Variants in CTNNA3 observed in about 807,000 individuals in gnomAD.
CTNNA3 encodes the protein catenin alpha-3.
Under a neutral mutation model 95.7 loss-of-function variants are expected in CTNNA3, and 76 were observed. The observed-to-expected ratio is 0.79, with a 90% CI of 0.66 to 0.96. The LOEUF is 0.96. Ranked by LOEUF, CTNNA3 falls within the 40% of genes least tolerant of loss-of-function variation. CTNNA3 has a pLI of 0.00. For synonymous variants in CTNNA3, 431 were observed against 374.4 expected (o/e 1.15, Z -1.74); for missense variants, 1,191 against 1,089.8 (o/e 1.09, Z -1.31).
At chr10:66,493,011 G>T (rs1043208835) in intron 11 of CTNNA3, among the ~76,000 whole-genome samples, 16 of 151,646 alleles carry the variant, frequency 1.1e-4, no homozygotes, top group Non-Finnish European at 1.5e-5. Context: ...GTTGAAAAAA[G>T]AATTGAAAAC....
At chr10:66,522,821 C>T (rs955877329) in intron 10 of CTNNA3, among the ~76,000 whole-genome samples, 2 of 151,652 alleles carry the variant, frequency 1.3e-5, no homozygotes, top group African/African-American at 4.8e-5. Flanking sequence ...ATGTTGAATT[C>T]TATGCATAAT....
chr10:67,556,965 C>A (rs1014070391), intron 3 of CTNNA3, among the ~76,000 whole-genome samples: 2 of 152,216 alleles, frequency 1.3e-5, no homozygotes, highest in Admixed American at 1.3e-4. Context: ...TCTTTGTTCT[C>A]ATTGGTTTCA....
chr10:67,496,225 T>C (rs1839017835), intron 5 of CTNNA3, among the ~76,000 whole-genome samples: 1 of 152,340 alleles, frequency 6.6e-6, no homozygotes, highest in Non-Finnish European at 1.5e-5. Context: ...ACAGCTTTCA[T>C]CTTGCGGTGT....
At chr10:66,311,869 T>C (rs565676002) in intron 12 of CTNNA3, among the ~76,000 whole-genome samples, 1 of 152,294 alleles carries the variant, frequency 6.6e-6, no homozygotes, top group South Asian at 2.1e-4. Flanking sequence ...TCCTGACCCT[T>C]ACGTAGATGA....
chr10:66,962,418 G>GT (rs139452994), intron 7 of CTNNA3, among the ~76,000 whole-genome samples: 34,100 of 144,046 alleles, frequency 0.24, 4,295 homozygotes, highest in East Asian at 0.38. Context: ...TTTTGTTTTT[G>GT]TTTTTTTTTT....
chr10:66,721,663 A>T (rs1848631371), intron 9 of CTNNA3, among the ~76,000 whole-genome samples: 1 of 152,204 alleles, frequency 6.6e-6, no homozygotes, highest in South Asian at 2.1e-4. Context: ...AGAAGGGAGC[A>T]AGAGAGGCTG....
At chr10:66,253,864 A>C (rs938019530) in intron 13 of CTNNA3, among the ~76,000 whole-genome samples, 3 of 152,216 alleles carry the variant, frequency 2.0e-5, no homozygotes, top group Non-Finnish European at 4.4e-5. Context: ...CCTTGTGCAT[A>C]TTCCAGGGAC....
In CTNNA3 at chr10:66,190,248, G is replaced by T. The variant is rs183852110; in HGVS notation, c.1885-86999C>A. On this transcript the variant is annotated intron_variant, in intron 13 of 17. Transcript: ENST00000433211. ...GCAATTTCTCATCAAAAACCATAGAGGCAGGAATACAATGAGATGACAAGG... is the reference window on the plus strand; with the variant it reads ...GCAATTTCTCATCAAAAACCATAGATGCAGGAATACAATGAGATGACAAGG... 1.6e-4 allele frequency among the ~76,000 whole-genome samples: 24 copies of T among 152,178 alleles called. No individual in the cohort carries two copies. In the East Asian group the frequency reaches 4.4e-3, roughly 28 times the overall value.
chr10:67,366,602 C>T (rs767890250), intron 5 of CTNNA3, among the ~76,000 whole-genome samples: 3 of 151,710 alleles, frequency 2.0e-5, no homozygotes, highest in African/African-American at 7.3e-5. Context: ...AATCCTGCCA[C>T]TGCACTCCAG....
intron 12 of CTNNA3, among the ~76,000 whole-genome samples, chr10:66,311,875 G>A (rs1467191168): frequency 6.6e-6 from 1 of 152,166 alleles, no homozygotes; most frequent in Non-Finnish European, 1.5e-5. Flanking sequence ...CCCTTACGTA[G>A]ATGATAAGAC....
In CTNNA3 at chr10:65,915,736, G is replaced by C. The variant is rs1028412514; in HGVS notation, c.*4594C>G. 6.6e-6 allele frequency: 1 copy of C among 152,136 alleles called. No homozygotes were observed. The highest frequency in any genetic ancestry group is 2.4e-5 in the African/African-American group (1 of 41,434). The allele number at this position is 152,136 out of a possible 1,614,324, so 9.4% of individuals were successfully genotyped here. The stretch of plus-strand genomic sequence containing the variant: ...TCAATTAACATTACTTTCTTTTAGA[G>C]TGTCCAGAAATGGATTCTATCTTGT... On this transcript the variant is annotated 3_prime_UTR_variant, in exon 18 of 18. Coordinates refer to ENST00000433211, the MANE Select transcript of CTNNA3 (RefSeq NM_013266.4).
chr10:67,707,582 A>AT (rs960970411), intron 1 of CTNNA3, among the ~76,000 whole-genome samples: 5 of 151,924 alleles, frequency 3.3e-5, no homozygotes, highest in Admixed American at 2.0e-4. Context: ...ACGACCTTGC[A>AT]TTTTTTTAAT....
chr10:67,584,828 C>T (rs1403918672), intron 3 of CTNNA3, among the ~76,000 whole-genome samples: 2 of 152,224 alleles, frequency 1.3e-5, no homozygotes, highest in African/African-American at 2.4e-5. Flanking sequence ...TGTGTGCTAG[C>T]AATGAGCGAG....
chr10:66,165,540 G>A (rs992737486), intron 13 of CTNNA3, among the ~76,000 whole-genome samples: 1 of 151,968 alleles, frequency 6.6e-6, no homozygotes, highest in African/African-American at 2.4e-5. Flanking sequence ...GTGTTGGTTA[G>A]TCATCATTTC....
chr10:66,606,168 G>C (rs1007803057), intron 10 of CTNNA3, among the ~76,000 whole-genome samples: 1 of 152,064 alleles, frequency 6.6e-6, no homozygotes, highest in African/African-American at 2.4e-5. Flanking sequence ...GATCAAAAAA[G>C]ACAAAGAAGG....
intron 7 of CTNNA3, among the ~76,000 whole-genome samples, chr10:67,153,605 C>G (rs975417560): frequency 1.2e-4 from 19 of 152,206 alleles, no homozygotes; most frequent in Non-Finnish European, 2.5e-4. Context: ...CTAACCTCCA[C>G]TTTGTCAAAT....
At chr10:66,231,035 G>T (rs1451783690) in intron 13 of CTNNA3, among the ~76,000 whole-genome samples, 1 of 152,132 alleles carries the variant, frequency 6.6e-6, no homozygotes, top group Non-Finnish European at 1.5e-5. Flanking sequence ...ATGGGGCCAT[G>T]CTGTGGCAGC....
At chr10:67,384,885 T>C (rs1844089961) in intron 5 of CTNNA3, among the ~76,000 whole-genome samples, 1 of 152,238 alleles carries the variant, frequency 6.6e-6, no homozygotes, top group Admixed American at 6.5e-5. Flanking sequence ...CCCCTTTGCC[T>C]ATTTGATAAG....
intron 13 of CTNNA3, among the ~76,000 whole-genome samples, chr10:66,246,580 T>C (rs1281317304): frequency 6.6e-6 from 1 of 151,938 alleles, no homozygotes; most frequent in African/African-American, 2.4e-5. Flanking sequence ...AATAGCTATT[T>C]TGAGAAAGTT....
Sources: gnomAD v4.1 joint callset for allele counts (sites outside exome capture counted in the v4.1 genomes callset) on GRCh38, gnomAD v4.1.1 for gene constraint, MANE v1.5 for transcripts, NCBI Gene and HGNC (gene_info 2026-07-23, HGNC 2026-07-21) for gene names.